The following CCDC178 variants were observed in gnomAD, a reference collection of about 807,000 sequenced individuals.
The protein encoded by CCDC178 is coiled-coil domain containing 178, also known as coiled-coil domain-containing protein 178.
CCDC178 carries 126 observed loss-of-function variants against 117.4 expected under a neutral mutation model. The observed-to-expected ratio is 1.07, with a 90% CI of 0.93 to 1.24. The LOEUF (loss-of-function observed/expected upper bound fraction) is 1.24, where lower values mean the gene tolerates loss of function less well. Ranked by LOEUF, CCDC178 falls within the 50% of genes most tolerant of loss-of-function variation. The pLI is 0.00. For missense variants in CCDC178, 1,030 were observed against 986.9 expected, an observed-to-expected ratio of 1.04 and a Z score of -0.59; for synonymous variants, 283 against 313.4, an observed-to-expected ratio of 0.90 and a Z score of 1.02.
intron 5 of CCDC178, among the ~76,000 whole-genome samples, chr18:33,389,067 A>G (rs924510696): frequency 1.3e-4 from 20 of 152,132 alleles, no homozygotes; most frequent in Non-Finnish European, 2.9e-5. Flanking sequence ...TGGATTGATA[A>G]GTGCAGCAAA....
At chr18:32,941,426 A>C (rs958216176) in intron 22 of CCDC178, among the ~76,000 whole-genome samples, 1 of 152,126 alleles carries the variant, frequency 6.6e-6, no homozygotes, top group Admixed American at 6.6e-5. Context: ...TTGAACAGGA[A>C]AACATGATCT....
At chr18:33,129,264 A>C (rs1034414732) in intron 20 of CCDC178, among the ~76,000 whole-genome samples, 6 of 152,272 alleles carry the variant, frequency 3.9e-5, no homozygotes, top group African/African-American at 1.4e-4. Flanking sequence ...AATACTGTTG[A>C]GTGCAAGACA....
intron 16 of CCDC178, among the ~76,000 whole-genome samples, 155 bp from the exon 17 acceptor site, chr18:33,225,091 T>C (rs1226735366): frequency 1.3e-5 from 2 of 149,522 alleles, no homozygotes; most frequent in Non-Finnish European, 3.0e-5. Flanking sequence ...GTAATATATA[T>C]TACATATATT....
intron 21 of CCDC178, among the ~76,000 whole-genome samples, chr18:32,997,725 A>G: frequency 6.7e-6 from 1 of 149,386 alleles, no homozygotes; most frequent in South Asian, 2.1e-4. Flanking sequence ...TATCTGTCTG[A>G]CTATTTATAT....
intron 20 of CCDC178, among the ~76,000 whole-genome samples, chr18:33,178,186 A>C (rs1469715414): frequency 6.6e-6 from 1 of 152,086 alleles, no homozygotes; most frequent in African/African-American, 2.4e-5. Flanking sequence ...TCTCCGTCAC[A>C]GGTGCTCTTC....
intron 21 of CCDC178, among the ~76,000 whole-genome samples, chr18:32,999,274 G>A (rs564639504): frequency 2.6e-5 from 4 of 152,048 alleles, no homozygotes; most frequent in Non-Finnish European, 5.9e-5. Flanking sequence ...GAGGAAAGAG[G>A]GGGAAGGAAT....
intron 22 of CCDC178, among the ~76,000 whole-genome samples, chr18:32,961,201 T>A (rs975002657): frequency 4.6e-5 from 7 of 152,164 alleles, no homozygotes; most frequent in Non-Finnish European, 8.8e-5. Flanking sequence ...TATTGAAATC[T>A]CAAACTATAA....
intron 15 of CCDC178, among the ~76,000 whole-genome samples, chr18:33,227,115 T>G (rs1375748276): frequency 1.3e-5 from 2 of 152,070 alleles, no homozygotes; most frequent in Admixed American, 1.3e-4. Flanking sequence ...AAAATCAAAG[T>G]AATAAGAAAG....
intron 22 of CCDC178, among the ~76,000 whole-genome samples, chr18:32,943,616 C>T (rs2054286541): frequency 1.3e-5 from 2 of 152,236 alleles, no homozygotes; most frequent in South Asian, 2.1e-4. Flanking sequence ...ATACAATCAG[C>T]AGAGAGTAGC....
intron 21 of CCDC178, among the ~76,000 whole-genome samples, chr18:33,086,058 A>C (rs1302794124): frequency 1.3e-5 from 2 of 152,044 alleles, no homozygotes; most frequent in Non-Finnish European, 2.9e-5. Context: ...CATGTATTAG[A>C]TAATTAGAAA....
intron 2 of CCDC178, among the ~76,000 whole-genome samples, chr18:33,430,432 G>A (rs1377793913): frequency 3.9e-5 from 6 of 152,114 alleles, no homozygotes; most frequent in Admixed American, 2.0e-4. Flanking sequence ...AACAATATTT[G>A]CCGGCCTCTC....
At chr18:32,980,354 C>G (rs566076371) in intron 21 of CCDC178, among the ~76,000 whole-genome samples, 1 of 151,760 alleles carries the variant, frequency 6.6e-6, no homozygotes, top group Non-Finnish European at 1.5e-5. Context: ...GAGGCCGAGG[C>G]GGGCGGATCA....
At chr18:33,181,495 A>T (rs1490435524) in intron 20 of CCDC178, among the ~76,000 whole-genome samples, 1 of 151,896 alleles carries the variant, frequency 6.6e-6, no homozygotes, top group Non-Finnish European at 1.5e-5. Flanking sequence ...CCAGTTAAAA[A>T]CCTTTATTTA....
At chr18:33,346,749 GTCC>G (rs961304389) in intron 8 of CCDC178, among the ~76,000 whole-genome samples, 2 of 151,982 alleles carry the variant, frequency 1.3e-5, no homozygotes, top group African/African-American at 2.4e-5. Flanking sequence ...ATGCTTGTGT[GTCC>G]TCCTATTCTA....
intron 20 of CCDC178, among the ~76,000 whole-genome samples, chr18:33,157,894 C>A (rs1178818052): frequency 1.3e-5 from 2 of 152,136 alleles, no homozygotes; most frequent in African/African-American, 4.8e-5. Context: ...ATCTTGCCAA[C>A]AGAAATTGCT....
chr18:33,410,618 T>C (rs1365795674), intron 3 of CCDC178, among the ~76,000 whole-genome samples: 2 of 152,196 alleles, frequency 1.3e-5, no homozygotes, highest in Non-Finnish European at 2.9e-5. Context: ...ACTAAATGAC[T>C]GCTTTCAATT....
chr18:33,421,318 T>G (rs2064021178), intron 2 of CCDC178, among the ~76,000 whole-genome samples: 1 of 152,346 alleles, frequency 6.6e-6, no homozygotes, highest in South Asian at 2.1e-4. Context: ...GATTCCATCA[T>G]GCTGGCCCCA....
chr18:33,107,163 T>G, intron 20 of CCDC178, among the ~76,000 whole-genome samples: 1 of 151,816 alleles, frequency 6.6e-6, no homozygotes, highest in East Asian at 1.9e-4. Context: ...TATAAATTCA[T>G]GCTGGTGTGT....
chr18:33,200,872 C>T (rs764461845), intron 20 of CCDC178, among the ~76,000 whole-genome samples: 9 of 152,116 alleles, frequency 5.9e-5, no homozygotes, highest in South Asian at 2.1e-4. Context: ...CTTTGTAATA[C>T]GCTCAGAATC....
Sources: allele counts gnomAD v4.1 joint callset (sites outside exome capture counted in the v4.1 genomes callset), GRCh38; gene constraint gnomAD v4.1.1; transcripts MANE v1.5; gene names NCBI Gene and HGNC (gene_info 2026-07-23, HGNC 2026-07-21).